Variants in TMEM254 observed in about 807,000 individuals in gnomAD.
The protein encoded by TMEM254 is transmembrane protein 254.
TMEM254 carries 16 observed loss-of-function variants against 13.9 expected under a neutral mutation model. That is an observed-to-expected ratio of 1.15 (90% CI 0.78 to 1.75). The LOEUF (loss-of-function observed/expected upper bound fraction) is 1.75, where lower values mean the gene tolerates loss of function less well. Ranked by LOEUF, TMEM254 falls within the 40% of genes most tolerant of loss-of-function variation. The pLI is 0.00. For missense variants in TMEM254, 155 were observed against 149.0 expected (o/e 1.04, Z -0.21); for synonymous variants, 61 against 56.4 (o/e 1.08, Z -0.36).
intron 1 of TMEM254, among the ~76,000 whole-genome samples, chr10:80,080,740 A>T (rs1436446281): frequency 6.6e-6 from 1 of 151,680 alleles, no homozygotes; most frequent in East Asian, 1.9e-4. Flanking sequence ...GGAGTTCGAG[A>T]CCATCCTGGG....
rs563764359 is a variant in TMEM254 at position 80,086,799 on chromosome 10, C to T, written c.252-3998C>T. 4.1e-5 allele frequency among the ~76,000 whole-genome samples: 6 copies of T among 146,482 alleles called. No homozygotes were observed. The East Asian group carries it at 6.1e-4, about 15-fold the overall frequency. ...GAGGTTGCAGTGAGCCGAGATCGCA[C>T]GACTGCACTCCAGCCTGGGCAACAC... is the stretch of plus-strand genomic sequence containing the variant. On this transcript the variant is annotated intron_variant, in intron 3 of 3. Coordinates refer to ENST00000372281, the MANE Select transcript of TMEM254 (RefSeq NM_025125.4).
rs150006427 is a variant in TMEM254 at position 80,087,911 on chromosome 10, C to G, written c.252-2886C>G. The stretch of plus-strand genomic sequence containing the variant: ...CTCACGGTCTTTTTATTCTGTTGGG[C>G]CTTTTGATAAACAGAAGTTTATCAA... On this transcript the variant is annotated intron_variant, in intron 3 of 3. Coordinates refer to ENST00000372281, the MANE Select transcript of TMEM254 (RefSeq NM_025125.4). Among the ~76,000 whole-genome samples, 1,283 of 151,510 alleles carry G rather than the reference C, an allele frequency of 8.5e-3. 17 individuals carry two copies. The highest frequency in any genetic ancestry group is 0.011 in the South Asian group (51 of 4,732).
chr10:80,081,306 C>T (rs935480733), intron 1 of TMEM254, among the ~76,000 whole-genome samples: 2 of 151,806 alleles, frequency 1.3e-5, no homozygotes, highest in Admixed American at 6.6e-5. Flanking sequence ...AGTCATCCAC[C>T]GTGGGCACTG....
intron 3 of TMEM254, among the ~76,000 whole-genome samples, chr10:80,088,836 G>A (rs566910263): frequency 2.0e-5 from 3 of 151,508 alleles, no homozygotes; most frequent in African/African-American, 4.8e-5. Context: ...GGGCTCAAGC[G>A]ATCCACCTGC....
Position 80,092,236 on chromosome 10 carries a change from C to T in TMEM254, c.*1319C>T, listed in dbSNP as rs1280224858. The stretch of plus-strand genomic sequence containing the variant: ...AAGCAAACATTTATGGGAAACAACC[C>T]GCTCCCGAAAACGGAGCCCCCAAGT... On this transcript the variant is annotated 3_prime_UTR_variant, in exon 4 of 4. Transcript: ENST00000372281. 5.3e-5 allele frequency: 8 copies of T among 152,108 alleles called. No individual in the cohort carries two copies. Among genetic ancestry groups the T allele is most frequent in the Admixed American group, 1.3e-4 (2 of 15,266 alleles). 9.4% of individuals were successfully genotyped at this position (152,108 alleles called of 1,614,324 possible). A position where few individuals can be genotyped will look rare whatever the true frequency, so the allele number is the denominator to read the frequency against.
chr10:80,090,817 G>C lies in TMEM254; in HGVS notation c.272G>C (p.Gly91Ala). 1 of 1,613,884 alleles carries C rather than the reference G, an allele frequency of 6.2e-7. No individual in the cohort carries two copies. Among genetic ancestry groups the C allele is most frequent in the South Asian group, 1.1e-5 (1 of 90,990 alleles). Residue 91 changes from glycine to alanine, a missense_variant, in exon 4 of 4, where the codon GGT becomes GCT. By Grantham distance (60) the Gly-to-Ala change is moderately conservative. Transcript: ENST00000372281. ...TTTAGGCATAAAGGCATCACAAGTG[G>C]TCGGGCTCAGCTACTCTGGTTCCTA... ...VLCKHKGITS[G>A]RAQLLWFLQT...
In TMEM254 at chr10:80,080,358, T is replaced by C. The variant is rs78475417; in HGVS notation, c.88-1483T>C. Reference sequence around the variant, plus strand: ...TGTTGAGTTATTCTCAGAAAAGTCTTAGCTGACAGAAGTTACAATACAGAG... The same window carrying C: ...TGTTGAGTTATTCTCAGAAAAGTCTCAGCTGACAGAAGTTACAATACAGAG... On this transcript the variant is annotated intron_variant, in intron 1 of 3. Transcript: ENST00000372281. 4.8e-3 allele frequency among the ~76,000 whole-genome samples: 738 copies of C among 152,350 alleles called. 9 individuals are homozygous for C. The highest frequency in any genetic ancestry group is 0.017 in the African/African-American group (698 of 41,582).
chr10:80,079,393 A>C lies in TMEM254; in HGVS notation c.87+607A>C, dbSNP rs1423150710. The C allele has an allele frequency of 2.7e-6, 3 of 1,107,618 alleles. No homozygotes were observed. In the African/African-American group the frequency reaches 5.0e-5, roughly 18 times the overall value. The allele number at this position is 1,107,618 out of a possible 1,614,324, so 68.6% of individuals were successfully genotyped here. A position where few individuals can be genotyped will look rare whatever the true frequency, so the allele number is the denominator to read the frequency against. On this transcript the variant is annotated intron_variant, in intron 1 of 3. Transcript: ENST00000372281. ...GGTCCTCACCTCTGCATGGTTACTA[A>C]CGGGTTATCCGAGCCTAAGCCTCTC...
intron 1 of TMEM254, among the ~76,000 whole-genome samples, chr10:80,080,321 A>G (rs2132267491): frequency 6.6e-6 from 1 of 152,348 alleles, no homozygotes; most frequent in East Asian, 1.9e-4. Context: ...ATGGGACAAT[A>G]CATTTTGAAA....
rs1844558375 is a variant in TMEM254, at chr10:80,091,057, TAGTC to T, written c.*144_*147del. ...TCAAAGCTCTTTAAGACCCCCTCGT[TAGTC>T]AGTTTTTTCTCTTATATGCTCTGGT... On this transcript the variant is annotated 3_prime_UTR_variant, in exon 4 of 4. Transcript: ENST00000372281. The T allele has an allele frequency of 1.8e-6, 2 of 1,109,334 alleles. No homozygotes were observed. Among genetic ancestry groups the T allele is most frequent in the Non-Finnish European group, 1.3e-6 (1 of 792,644 alleles). The allele number at this position is 1,109,334 out of a possible 1,614,324, so 68.7% of individuals were successfully genotyped here.
At position 80,091,388 on chromosome 10, in the gene TMEM254, AT is replaced by A. The variant is rs1844570458; in HGVS notation, c.*474del. 6.6e-6 allele frequency: 1 copy of A among 152,556 alleles called. No homozygotes were observed. The allele number at this position is 152,556 out of a possible 1,614,324, so 9.5% of individuals were successfully genotyped here. On this transcript the variant is annotated 3_prime_UTR_variant, in exon 4 of 4. Coordinates refer to ENST00000372281, the MANE Select transcript of TMEM254 (RefSeq NM_025125.4). Reference sequence around the variant, plus strand: ...TCCACTATATGTCAATTCCACACACATTTATTAGGTACCTGTGAGGTAGGAT... The same window carrying A: ...TCCACTATATGTCAATTCCACACACATTATTAGGTACCTGTGAGGTAGGAT...
rs1844590522 is a variant in TMEM254, at chr10:80,091,994, T to C, written c.*1077T>C. On this transcript the variant is annotated 3_prime_UTR_variant, in exon 4 of 4. Coordinates refer to ENST00000372281, the MANE Select transcript of TMEM254 (RefSeq NM_025125.4). ...GATTTATTCAAAACACAAGCATTTCTGTTTAGAGATTCTAGCCCATGGGTT... is the reference window on the plus strand; with the variant it reads ...GATTTATTCAAAACACAAGCATTTCCGTTTAGAGATTCTAGCCCATGGGTT... 6.6e-6 allele frequency: 1 copy of C among 152,236 alleles called. No individual in the cohort carries two copies. The highest frequency in any genetic ancestry group is 1.5e-5 in the Non-Finnish European group (1 of 68,048). 9.4% of individuals were successfully genotyped at this position (152,236 alleles called of 1,614,324 possible). A position where few individuals can be genotyped will look rare whatever the true frequency, so the allele number is the denominator to read the frequency against.
Position 80,078,965 on chromosome 10 carries a change from C to A in TMEM254, c.87+179C>A, listed in dbSNP as rs1407052616. On this transcript the variant is annotated intron_variant, in intron 1 of 3. Coordinates refer to ENST00000372281, the MANE Select transcript of TMEM254 (RefSeq NM_025125.4). ...CGCAATGAGAGCAAGCATACTGGTC[C>A]GCCAGGGTCTTGGGCGGGCGCCCAG... The A allele has an allele frequency of 5.2e-6, 8 of 1,535,630 alleles. No homozygotes were observed. In the African/African-American group the frequency reaches 5.5e-5, roughly 11 times the overall value.
intron 1 of TMEM254, chr10:80,079,327 G>T: frequency 8.4e-7 from 1 of 1,197,042 alleles, no homozygotes; most frequent in Non-Finnish European, 1.1e-6. Flanking sequence ...AATTCGGTGG[G>T]CTCTTAGGAT....
At chr10:80,079,254 T>G in intron 1 of TMEM254, 4 of 1,237,018 alleles carry the variant, frequency 3.2e-6, no homozygotes, top group Non-Finnish European at 4.2e-6. Flanking sequence ...CGAGGGGAGC[T>G]CTGGGAACGG....
At chr10:80,082,839 A>G (rs1844111647) in intron 3 of TMEM254, among the ~76,000 whole-genome samples, 1 of 152,182 alleles carries the variant, frequency 6.6e-6, no homozygotes, top group Non-Finnish European at 1.5e-5. Flanking sequence ...TACAATGAAA[A>G]ACATGGTTAT....
intron 3 of TMEM254, among the ~76,000 whole-genome samples, chr10:80,084,343 A>G (rs1274119382): frequency 6.6e-6 from 1 of 152,062 alleles, no homozygotes; most frequent in Non-Finnish European, 1.5e-5. Flanking sequence ...TTTTATTGAG[A>G]TCACTTCCGT....
chr10:80,081,199 C>T (rs12414332), intron 1 of TMEM254, among the ~76,000 whole-genome samples: 16,277 of 151,982 alleles, frequency 0.11, 1,053 homozygotes, highest in South Asian at 0.21. Flanking sequence ...TGCAGTGAGC[C>T]GTGATCAGGC....
rs112250809 is a variant in TMEM254, at chr10:80,085,201, A to ATTTC, written c.251+3000_251+3001insCTTT. Among the ~76,000 whole-genome samples, 733 of 152,234 alleles carry ATTTC rather than the reference A, an allele frequency of 4.8e-3. 8 individuals are homozygous for ATTTC. Among genetic ancestry groups the ATTTC allele is most frequent in the African/African-American group, 0.017 (694 of 41,540 alleles). On this transcript the variant is annotated intron_variant, in intron 3 of 3. Coordinates refer to ENST00000372281, the MANE Select transcript of TMEM254 (RefSeq NM_025125.4). Reference sequence around the variant, plus strand: ...AGGTTACTCTTATGTTCTTGAAATCATTTATGGTCTAACATGTTAGAATGT... The same window carrying ATTTC: ...AGGTTACTCTTATGTTCTTGAAATCATTTCTTTATGGTCTAACATGTTAGAATGT...
Sources: allele counts gnomAD v4.1 joint callset (sites outside exome capture counted in the v4.1 genomes callset), GRCh38; gene constraint gnomAD v4.1.1; transcripts MANE v1.5; gene names NCBI Gene and HGNC (gene_info 2026-07-23, HGNC 2026-07-21).